COL5A2: variants seen among roughly 807,000 people sequenced by gnomAD.
COL5A2 encodes the protein collagen type V alpha 2 chain, also known as collagen alpha-2(V) chain.
In COL5A2, 23 loss-of-function variants were observed where a neutral mutation model predicts 208.2. The ratio of observed to expected loss-of-function variants is 0.11; its 90% CI spans 0.08 to 0.16. The LOEUF is 0.16. COL5A2 is among the 10% of genes least tolerant of loss of function. COL5A2 has a pLI of 1.00. For synonymous variants in COL5A2, 625 were observed against 628.5 expected, an observed-to-expected ratio of 0.99 and a Z score of 0.08; for missense variants, 1,590 against 1,956.4, an observed-to-expected ratio of 0.81 and a Z score of 3.53.
At chr2:189,328,362 A>G in the COL5A2 span, among the ~76,000 whole-genome samples, 1 of 152,148 alleles carries the variant, frequency 6.6e-6, no homozygotes, top group Non-Finnish European at 1.5e-5. Context: ...CAGCAAGTAG[A>G]TACAGCTTTG....
the COL5A2 span, among the ~76,000 whole-genome samples, chr2:189,379,271 A>G: frequency 1.3e-5 from 2 of 152,172 alleles, no homozygotes; most frequent in Non-Finnish European, 2.9e-5. Flanking sequence ...ATGAGGAGTA[A>G]ATGATTCAAG....
At chr2:189,203,724 A>C (rs368934068) in intron 1 of COL5A2, among the ~76,000 whole-genome samples, 2 of 152,182 alleles carry the variant, frequency 1.3e-5, no homozygotes, top group African/African-American at 4.8e-5. Flanking sequence ...TCTTTAGCCT[A>C]AAAGAGACTT....
chr2:189,334,021 C>A, the COL5A2 span, among the ~76,000 whole-genome samples: 1 of 150,804 alleles, frequency 6.6e-6, no homozygotes, highest in Non-Finnish European at 1.5e-5. Context: ...AGATATAATA[C>A]AGTAATCTCA....
Position 189,088,428 on chromosome 2 carries a change from AACT to A in COL5A2, c.645+264_645+266del, listed in dbSNP as rs1686711389. Among the ~76,000 whole-genome samples, 4 of 152,292 alleles carry A rather than the reference AACT, an allele frequency of 2.6e-5. No individual in the cohort carries two copies. The South Asian group carries it at 8.3e-4, about 32-fold the overall frequency. Reference sequence around the variant, plus strand: ...ATTGTGGCTGTGGTTATATGTCTTAAACTCCTTTATTTTCTTCCAATATTAAAT... The same window carrying A: ...ATTGTGGCTGTGGTTATATGTCTTAACCTTTATTTTCTTCCAATATTAAAT... On this transcript the variant is annotated intron_variant, in intron 8 of 53. Transcript: ENST00000374866.
the COL5A2 span, among the ~76,000 whole-genome samples, chr2:189,382,824 T>C: frequency 6.6e-6 from 1 of 152,192 alleles, no homozygotes; most frequent in Admixed American, 6.5e-5. Flanking sequence ...ACAGGGAGGA[T>C]GTTACAAAGA....
At chr2:189,437,344 T>C in the COL5A2 span, among the ~76,000 whole-genome samples, 1 of 152,224 alleles carries the variant, frequency 6.6e-6, no homozygotes, top group Non-Finnish European at 1.5e-5. Flanking sequence ...GCAGATCTTG[T>C]TAGAATGCAG....
the COL5A2 span, among the ~76,000 whole-genome samples, chr2:189,392,377 T>C: frequency 0.042 from 6,436 of 152,242 alleles, 164 homozygotes; most frequent in African/African-American, 0.053. Flanking sequence ...GAAATAGTTA[T>C]GCTCTCCTCC....
the COL5A2 span, among the ~76,000 whole-genome samples, chr2:189,323,518 A>G: frequency 6.6e-6 from 1 of 152,146 alleles, no homozygotes; most frequent in Non-Finnish European, 1.5e-5. Flanking sequence ...GCATTCTTAT[A>G]CACCAATAAC....
chr2:189,177,222 T>C (rs1358448069), intron 1 of COL5A2, among the ~76,000 whole-genome samples: 1 of 152,180 alleles, frequency 6.6e-6, no homozygotes, highest in African/African-American at 2.4e-5. Context: ...TAGATAAAAT[T>C]TGAAAAATGT....
chr2:189,295,596 C>T, the COL5A2 span, among the ~76,000 whole-genome samples: 20 of 152,094 alleles, frequency 1.3e-4, no homozygotes, highest in African/African-American at 4.3e-4. Context: ...GCCTGGGTGA[C>T]CGAATGAGAC....
At chr2:189,088,282 A>T (rs1686707723) in intron 8 of COL5A2, among the ~76,000 whole-genome samples, 1 of 152,226 alleles carries the variant, frequency 6.6e-6, no homozygotes, top group African/African-American at 2.4e-5. Context: ...GAGGATATTA[A>T]GTAGAAAATA....
chr2:189,440,447 G>A, the COL5A2 span, among the ~76,000 whole-genome samples: 6 of 152,152 alleles, frequency 3.9e-5, no homozygotes, highest in African/African-American at 1.2e-4. Flanking sequence ...AATATTGCAG[G>A]CAATTGTAAC....
chr2:189,066,572 G>A (rs541281658), intron 22 of COL5A2, 75 bp from the exon 23 acceptor site: 18 of 1,485,352 alleles, frequency 1.2e-5, no homozygotes, highest in Non-Finnish European at 1.4e-5. Context: ...CTAATTTAAC[G>A]AAGTCAGTCA....
the COL5A2 span, among the ~76,000 whole-genome samples, chr2:189,350,013 T>C: frequency 6.6e-6 from 1 of 152,178 alleles, no homozygotes; most frequent in Non-Finnish European, 1.5e-5. Context: ...GTTCCTGTAA[T>C]TAACAGACTA....
the COL5A2 span, among the ~76,000 whole-genome samples, chr2:189,295,728 G>C: frequency 1.3e-5 from 2 of 152,134 alleles, no homozygotes; most frequent in Non-Finnish European, 2.9e-5. Flanking sequence ...TACAAATTCT[G>C]GTTCCACCGT....
intron 1 of COL5A2, among the ~76,000 whole-genome samples, chr2:189,149,970 T>C (rs1444835782): frequency 2.0e-5 from 3 of 152,220 alleles, no homozygotes; most frequent in Non-Finnish European, 2.9e-5. Context: ...ATGTGTCTTA[T>C]GGCAATATAA....
the COL5A2 span, among the ~76,000 whole-genome samples, chr2:189,421,743 T>C: frequency 6.6e-6 from 1 of 152,108 alleles, no homozygotes; most frequent in Admixed American, 6.5e-5. Flanking sequence ...CCACTGACCA[T>C]CTACAGTGGC....
chr2:189,311,544 G>T, the COL5A2 span: 1 of 1,259,518 alleles, frequency 7.9e-7, no homozygotes, highest in South Asian at 1.3e-5. Flanking sequence ...CTGTTGAGCT[G>T]CTCCATCTGC....
At chr2:189,301,836 T>A in the COL5A2 span, among the ~76,000 whole-genome samples, 1 of 152,174 alleles carries the variant, frequency 6.6e-6, no homozygotes, top group South Asian at 2.1e-4. Context: ...AAAATATATA[T>A]AGAAAGAGTT....
Sources: gnomAD v4.1 joint callset for allele counts (sites outside exome capture counted in the v4.1 genomes callset) on GRCh38, gnomAD v4.1.1 for gene constraint, MANE v1.5 for transcripts, NCBI Gene and HGNC (gene_info 2026-07-23, HGNC 2026-07-21) for gene names.